The following UXS1 variants were observed in gnomAD, a reference collection of about 807,000 sequenced individuals.
The protein encoded by UXS1 is UDP-glucuronate decarboxylase 1.
In UXS1, 33 loss-of-function variants were observed where a neutral mutation model predicts 62.6. That is an observed-to-expected ratio of 0.53 (90% CI 0.40 to 0.70). The LOEUF (loss-of-function observed/expected upper bound fraction) is 0.70, where lower values mean the gene tolerates loss of function less well. Among genes scored for constraint, UXS1 ranks in the 30% least tolerant of loss-of-function variants. The pLI is 0.00. For synonymous variants in UXS1, 213 were observed against 206.8 expected (o/e 1.03, Z -0.26); for missense variants, 434 against 556.3 (o/e 0.78, Z 2.21).
At position 106,160,419 on chromosome 2, in the gene UXS1, T is replaced by C. The variant is rs867658123; in HGVS notation, c.231-2301A>G. ...AAACGCTGGAGCCGTCTCTGACTCA[T>C]GACTTCCCCTCACTCACCTTCAGGG... On this transcript the variant is annotated intron_variant, in intron 4 of 14. Transcript: ENST00000283148. The C allele has an allele frequency of 7.9e-5, 12 of 152,354 alleles. No individual in the cohort carries two copies. In the South Asian group the frequency reaches 2.3e-3, roughly 29 times the overall value. The allele number at this position is 152,354 out of a possible 1,614,324, so 9.4% of individuals were successfully genotyped here. A position where few individuals can be genotyped will look rare whatever the true frequency, so the allele number is the denominator to read the frequency against.
intron 1 of UXS1, among the ~76,000 whole-genome samples, chr2:106,190,756 A>AAAAG (rs1553440858): frequency 6.6e-6 from 1 of 151,430 alleles, no homozygotes; most frequent in Non-Finnish European, 1.5e-5. Flanking sequence ...AAAAAAAAAA[A>AAAAG]AAAGAAATGA....
At chr2:106,162,630 C>T (rs1682966266) in intron 4 of UXS1, among the ~76,000 whole-genome samples, 1 of 152,128 alleles carries the variant, frequency 6.6e-6, no homozygotes, top group Non-Finnish European at 1.5e-5. Flanking sequence ...ATATTACAAG[C>T]TGCATAACTA....
At chr2:106,174,368 C>T (rs1437734058) in intron 1 of UXS1, among the ~76,000 whole-genome samples, 1 of 152,106 alleles carries the variant, frequency 6.6e-6, no homozygotes, top group Non-Finnish European at 1.5e-5. Context: ...GACAAATGGA[C>T]GAGGGAGGAG....
chr2:106,108,711 A>T (rs1678309387), intron 10 of UXS1, among the ~76,000 whole-genome samples: 1 of 152,178 alleles, frequency 6.6e-6, no homozygotes, highest in Admixed American at 6.5e-5. Context: ...ATCAAGGAGT[A>T]ACCAACAGGG....
At chr2:106,113,419 T>C (rs914243409) in intron 9 of UXS1, among the ~76,000 whole-genome samples, 1 of 152,202 alleles carries the variant, frequency 6.6e-6, no homozygotes, top group Non-Finnish European at 1.5e-5. Flanking sequence ...ATCCCTCCTG[T>C]TCATTTTCAC....
At chr2:106,166,188 A>G (rs1055020493) in intron 1 of UXS1, 105 bp from the exon 2 acceptor site, 1 of 1,155,714 alleles carries the variant, frequency 8.7e-7, no homozygotes. Flanking sequence ...TTTTACAAAG[A>G]AAATTAACTT....
intron 5 of UXS1, among the ~76,000 whole-genome samples, chr2:106,147,413 C>G (rs1356160238): frequency 6.6e-6 from 1 of 152,162 alleles, no homozygotes; most frequent in African/African-American, 2.4e-5. Context: ...AACAGACTTC[C>G]TTGTCATAAC....
At chr2:106,117,603 G>C (rs535191408) in intron 9 of UXS1, among the ~76,000 whole-genome samples, 1 of 152,324 alleles carries the variant, frequency 6.6e-6, no homozygotes, top group Non-Finnish European at 1.5e-5. Context: ...CTGCATAGTG[G>C]GAGCAGGTCC....
intron 1 of UXS1, among the ~76,000 whole-genome samples, chr2:106,181,343 C>G (rs1296788329): frequency 6.6e-6 from 1 of 152,220 alleles, no homozygotes; most frequent in South Asian, 2.1e-4. Context: ...ATGCTCCCTT[C>G]TCAGCAGGCT....
At chr2:106,097,198 C>T (rs528481720) in intron 13 of UXS1, 4 of 461,874 alleles carry the variant, frequency 8.7e-6, no homozygotes, top group Admixed American at 4.7e-5. Context: ...AGACCACAAA[C>T]GTGGTGTGGG....
intron 1 of UXS1, among the ~76,000 whole-genome samples, chr2:106,169,057 C>T (rs1056679828): frequency 5.9e-5 from 9 of 152,122 alleles, no homozygotes; most frequent in African/African-American, 9.7e-5. Flanking sequence ...CCTTGTTGTC[C>T]TGTTCTTGCC....
chr2:106,120,435 G>A (rs141113711), intron 9 of UXS1, among the ~76,000 whole-genome samples: 6 of 152,300 alleles, frequency 3.9e-5, no homozygotes, highest in East Asian at 1.9e-4. Context: ...GGTAGGGTCC[G>A]TGGGAAAGGG....
At chr2:106,165,190 T>C (rs1683135352) in intron 2 of UXS1, among the ~76,000 whole-genome samples, 1 of 152,194 alleles carries the variant, frequency 6.6e-6, no homozygotes, top group African/African-American at 2.4e-5. Context: ...CAGAGCTCCT[T>C]TAAAAGGGAT....
chr2:106,168,444 C>A (rs1191395675), intron 1 of UXS1, among the ~76,000 whole-genome samples: 1 of 152,208 alleles, frequency 6.6e-6, no homozygotes, highest in South Asian at 2.1e-4. Flanking sequence ...TCAGAACTGA[C>A]CTCTCTATAG....
At chr2:106,105,719 T>G (rs534596027) in intron 10 of UXS1, among the ~76,000 whole-genome samples, 37 of 152,314 alleles carry the variant, frequency 2.4e-4, no homozygotes, top group African/African-American at 8.9e-4. Context: ...CTGAATGACC[T>G]GCGGAGCGCC....
At chr2:106,190,101 C>T (rs1170705486) in intron 1 of UXS1, among the ~76,000 whole-genome samples, 1 of 152,132 alleles carries the variant, frequency 6.6e-6, no homozygotes, top group African/African-American at 2.4e-5. Context: ...TGGGGGAAGA[C>T]GCGACAGACA....
At chr2:106,172,642 G>A (rs1291983763) in intron 1 of UXS1, among the ~76,000 whole-genome samples, 2 of 152,088 alleles carry the variant, frequency 1.3e-5, no homozygotes, top group Non-Finnish European at 2.9e-5. Flanking sequence ...GACCTTCCAG[G>A]CCACAGGTCT....
intron 9 of UXS1, among the ~76,000 whole-genome samples, chr2:106,113,481 A>G (rs1442232856): frequency 2.0e-5 from 3 of 152,206 alleles, no homozygotes; most frequent in Non-Finnish European, 4.4e-5. Flanking sequence ...ACTACAATGA[A>G]CATGTATTAC....
intron 1 of UXS1, among the ~76,000 whole-genome samples, chr2:106,173,672 C>T (rs1454128836): frequency 2.0e-5 from 3 of 152,258 alleles, no homozygotes; most frequent in African/African-American, 7.2e-5. Context: ...GTGAACACAG[C>T]TGAAGATAAT....
Sources: allele counts gnomAD v4.1 joint callset (sites outside exome capture counted in the v4.1 genomes callset), GRCh38; gene constraint gnomAD v4.1.1; transcripts MANE v1.5; gene names NCBI Gene and HGNC (gene_info 2026-07-23, HGNC 2026-07-21).